Variants in ULK1 observed in about 807,000 individuals in gnomAD.
ULK1 encodes serine/threonine-protein kinase ULK1.
Under a neutral mutation model 117.5 loss-of-function variants are expected in ULK1, and 48 were observed. The ratio of observed to expected loss-of-function variants is 0.41; its 90% CI spans 0.32 to 0.52. The LOEUF is 0.52. Among genes scored for constraint, ULK1 ranks in the 20% least tolerant of loss-of-function variants. ULK1 has a pLI of 0.29. For synonymous variants in ULK1, 790 were observed against 637.8 expected (o/e 1.24, Z -3.60); for missense variants, 1,387 against 1,473.4 (o/e 0.94, Z 0.96).
chr12:131,901,194 A>G (rs1299824709), intron 3 of ULK1, among the ~76,000 whole-genome samples: 3 of 151,854 alleles, frequency 2.0e-5, no homozygotes, highest in Non-Finnish European at 2.9e-5. Context: ...CCCCATCTCT[A>G]CTAAAAGTAC....
intron 6 of ULK1, 30 bp from the exon 7 acceptor site, chr12:131,908,868 G>A (rs533542000): frequency 2.5e-6 from 4 of 1,607,446 alleles, no homozygotes; most frequent in East Asian, 2.2e-5. Flanking sequence ...CTCCGGGGCC[G>A]GCGCCGGTCC....
intron 8 of ULK1, 27 bp downstream of exon 8, chr12:131,909,264 C>T (rs765293939): frequency 9.7e-6 from 15 of 1,543,106 alleles, no homozygotes; most frequent in South Asian, 7.1e-5. Context: ...CTGCTCCCCA[C>T]GCCGCACCGT....
chr12:131,917,667 G>T, intron 22 of ULK1, 113 bp downstream of exon 22: 1 of 1,116,242 alleles, frequency 9.0e-7, no homozygotes, highest in South Asian at 3.6e-5. Flanking sequence ...AGAGCCCAGG[G>T]GTGCCTGAGG....
At position 131,916,856 on chromosome 12, in the gene ULK1, C is replaced by T. The variant is rs7978477; in HGVS notation, c.2073-97C>T. The T allele has an allele frequency of 8.6e-4, 972 of 1,125,648 alleles. 4 individuals are homozygous for T. Among genetic ancestry groups the T allele is most frequent in the Middle Eastern group, 5.8e-3 (21 of 3,634 alleles). 69.7% of individuals were successfully genotyped at this position (1,125,648 alleles called of 1,614,324 possible). On this transcript the variant is annotated intron_variant, in intron 20 of 27. Transcript: ENST00000321867. ...TGCCTCTCGAGGTGGGCCAGGAGACCGTGCATCATGTGTGTCTGGCCTGCA... is the reference window on the plus strand; with the variant it reads ...TGCCTCTCGAGGTGGGCCAGGAGACTGTGCATCATGTGTGTCTGGCCTGCA...
At chr12:131,898,742 C>T (rs1888972479) in intron 3 of ULK1, among the ~76,000 whole-genome samples, 2 of 152,000 alleles carry the variant, frequency 1.3e-5, no homozygotes, top group Admixed American at 6.6e-5. Flanking sequence ...CATGATCCAC[C>T]CACCTCGGCC....
chr12:131,909,567 G>C (rs575150041), intron 8 of ULK1, among the ~76,000 whole-genome samples: 50 of 152,156 alleles, frequency 3.3e-4, no homozygotes, highest in Non-Finnish European at 1.3e-4. Context: ...CCGCGTTCTG[G>C]GGGGTGGACA....
At position 131,895,708 on chromosome 12, in the gene ULK1, G is replaced by A; in HGVS notation, c.204+15G>A. On this transcript the variant is annotated intron_variant, in intron 2 of 27. Coordinates refer to ENST00000321867, the MANE Select transcript of ULK1 (RefSeq NM_003565.4). ...AAATCCTGAAGGTGAGCCAGTGCTG[G>A]GGGAGGGGGCGTGGGCGTGGGCGTG... is the stretch of plus-strand genomic sequence containing the variant. The A allele has an allele frequency of 1.2e-6, 2 of 1,614,148 alleles. No individual in the cohort carries two copies. Among genetic ancestry groups the A allele is most frequent in the Non-Finnish European group, 1.7e-6 (2 of 1,179,980 alleles).
rs202232188 is a variant in ULK1, at chr12:131,921,148, G to A, written c.3010G>A (p.Val1004Ile). Residue 1004 changes from valine (V) to isoleucine (I), a missense_variant, in exon 27 of 28, where the codon GTC (valine) becomes ATC (isoleucine). Coordinates refer to ENST00000321867, the MANE Select transcript of ULK1 (RefSeq NM_003565.4). Reference protein sequence around the residue: ...DEMFQHREGCVPRYHKALLLL... With the variant: ...DEMFQHREGCIPRYHKALLLL... ...GATGTTCCAGCACCGTGAGGGCTGCGTCCCACGCTACCACAAGGCCCTGCT... is the reference window on the plus strand; with the variant it reads ...GATGTTCCAGCACCGTGAGGGCTGCATCCCACGCTACCACAAGGCCCTGCT... 188 of 1,604,130 alleles carry A rather than the reference G, an allele frequency of 1.2e-4. No homozygotes were observed. The highest frequency in any genetic ancestry group is 5.0e-4 in the Admixed American group (30 of 60,012).
At chr12:131,895,569 C>T in intron 1 of ULK1, 32 bp from the exon 2 acceptor site, 1 of 1,600,440 alleles carries the variant, frequency 6.2e-7, no homozygotes, top group East Asian at 2.2e-5. Context: ...GAGGGGCAGC[C>T]CTGGCCTTGA....
intron 23 of ULK1, among the ~76,000 whole-genome samples, chr12:131,918,911 T>TGTGTGGGGTGCAGGGG (rs1890011416): frequency 2.8e-5 from 1 of 35,526 alleles, no homozygotes; most frequent in Non-Finnish European, 5.2e-5. Context: ...GGGTGTAGGG[T>TGTGTGGGGTGCAGGGG]GTGTGGGGTG....
chr12:131,915,009 C>A (rs535269955), intron 16 of ULK1, 74 bp from the exon 17 acceptor site: 38 of 1,499,654 alleles, frequency 2.5e-5, no homozygotes, highest in Middle Eastern at 3.6e-4. Context: ...CTGCCTTGTC[C>A]CCAGGTCCTC....
At chr12:131,914,564 C>A in intron 16 of ULK1, 87 bp downstream of exon 16, 3 of 1,506,814 alleles carry the variant, frequency 2.0e-6, no homozygotes, top group South Asian at 1.3e-5. Flanking sequence ...GGGACAGGGT[C>A]GTCATCCATG....
At chr12:131,919,713 CCCGG>C (rs1483967627) in intron 25 of ULK1, 123 bp downstream of exon 25, 4 of 1,233,888 alleles carry the variant, frequency 3.2e-6, no homozygotes, top group Non-Finnish European at 4.6e-6. Flanking sequence ...GTGCAGAGGC[CCCGG>C]GGCCTGGCCC....
At position 131,908,794 on chromosome 12, in the gene ULK1, C is replaced by T. The variant is rs751270778; in HGVS notation, c.467C>T (p.Pro156Leu). The T allele has an allele frequency of 6.2e-7, 1 of 1,607,510 alleles. No homozygotes were observed. The highest frequency in any genetic ancestry group is 8.5e-7 in the Non-Finnish European group (1 of 1,177,732). The part of the protein sequence containing the change: ...LSNPAGRRAN[P>L]NSIRVKIADF... ...AACCCCGCCGGCCGCCGCGCCAACCCCAACAGCATCCGCGTCAAGATCGGT... is the reference window on the plus strand; with the variant it reads ...AACCCCGCCGGCCGCCGCGCCAACCTCAACAGCATCCGCGTCAAGATCGGT... Residue 156 changes from proline (P) to leucine (L), a missense_variant, in exon 6 of 28, where the codon CCC becomes CTC. This residue lies in a region of ULK1 where 224 missense variants were observed against 325.2 expected (regional missense o/e 0.69). Transcript: ENST00000321867.
rs1889678338 is a variant in ULK1 at position 131,914,362 on chromosome 12, C to T, written c.1258C>T (p.Pro420Ser). The change falls in exon 16 of 28, where the codon CCG becomes TCG. Residue 420 changes from proline to serine, a missense_variant. Pro to Ser is a moderately conservative substitution (Grantham distance 74, BLOSUM62 -1). This residue lies in a region of ULK1 where 260 missense variants were observed against 271.6 expected (regional missense o/e 0.96). Transcript: ENST00000321867. ...CTCTCTCCACCACAGCCGGGCTGGC[C>T]CGTTCTCCAGCAGCAGGTGCGGCGC... ...SSPSPSGRAG[P>S]FSSSRCGASV... 3.5e-5 allele frequency: 56 copies of T among 1,611,074 alleles called. No individual in the cohort carries two copies. Among genetic ancestry groups the T allele is most frequent in the Non-Finnish European group, 4.7e-5 (56 of 1,179,940 alleles).
rs1440705622 is a variant in ULK1, at chr12:131,894,738, C to CCGGATT, written c.-257_-252dup. Reference sequence around the variant, plus strand: ...GCCGGAGTCGGAGTCGGAGTCGGATCCGGATTCGGATTAGCAGCCCGGGAA... The same window carrying CCGGATT: ...GCCGGAGTCGGAGTCGGAGTCGGATCCGGATTCGGATTCGGATTAGCAGCCCGGGAA... On this transcript the variant is annotated 5_prime_UTR_variant, in exon 1 of 28. Coordinates refer to ENST00000321867, the MANE Select transcript of ULK1 (RefSeq NM_003565.4). 4.0e-5 allele frequency: 6 copies of CCGGATT among 151,300 alleles called. No individual in the cohort carries two copies. Among genetic ancestry groups the CCGGATT allele is most frequent in the African/African-American group, 1.5e-4 (6 of 41,264 alleles). The allele number at this position is 151,300 out of a possible 1,614,324, so 9.4% of individuals were successfully genotyped here.
intron 3 of ULK1, 35 bp from the exon 4 acceptor site, chr12:131,906,857 C>T (rs760440709): frequency 6.2e-7 from 1 of 1,613,874 alleles, no homozygotes; most frequent in South Asian, 1.1e-5. Context: ...CCCGGTGGCA[C>T]TGGGACCTCT....
intron 23 of ULK1, 50 bp from the exon 24 acceptor site, chr12:131,919,162 C>T (rs762176580): frequency 6.5e-7 from 1 of 1,544,598 alleles, no homozygotes; most frequent in African/African-American, 1.4e-5. Context: ...GGAGACAAGC[C>T]CCTTCCAAGC....
At chr12:131,905,197 G>C (rs1193299384) in intron 3 of ULK1, among the ~76,000 whole-genome samples, 4 of 152,160 alleles carry the variant, frequency 2.6e-5, no homozygotes, top group African/African-American at 9.7e-5. Flanking sequence ...CCTCCCTAAA[G>C]GCACCCTCTC....
Sources: allele counts gnomAD v4.1 joint callset (sites outside exome capture counted in the v4.1 genomes callset), GRCh38; gene constraint gnomAD v4.1.1; regional missense constraint gnomAD v4.1.1; transcripts MANE v1.5; gene names NCBI Gene and HGNC (gene_info 2026-07-23, HGNC 2026-07-21).